Variants in CNTLN observed in about 807,000 individuals in gnomAD.
The protein encoded by CNTLN is centlein, centrosomal protein.
A neutral mutation model predicts 180.0 loss-of-function variants in CNTLN; 212 were observed. That is an observed-to-expected ratio of 1.18 (90% CI 1.05 to 1.32). The LOEUF is 1.32. CNTLN is among the 40% of genes most tolerant of loss of function. CNTLN has a pLI of 0.00. For synonymous variants in CNTLN, 722 were observed against 563.1 expected, an observed-to-expected ratio of 1.28 and a Z score of -3.99; for missense variants, 2,095 against 1,610.9, an observed-to-expected ratio of 1.30 and a Z score of -5.14.
At chr9:17,197,510 T>C (rs959017854) in intron 2 of CNTLN, among the ~76,000 whole-genome samples, 1 of 152,198 alleles carries the variant, frequency 6.6e-6, no homozygotes, top group Non-Finnish European at 1.5e-5. Flanking sequence ...CCTTTTTATA[T>C]ACCTGTTTGC....
Position 17,289,191 on chromosome 9 carries a change from T to C in CNTLN, c.984-8999T>C, listed in dbSNP as rs1026265672. ...TTAGCGCTTCCTTCAGGAGCTCTTTTAGGGCAGGCCTAGTGGTGACAAAAT... is the reference window on the plus strand; with the variant it reads ...TTAGCGCTTCCTTCAGGAGCTCTTTCAGGGCAGGCCTAGTGGTGACAAAAT... On this transcript the variant is annotated intron_variant, in intron 6 of 25. Transcript: ENST00000380647. 4.3e-5 allele frequency among the ~76,000 whole-genome samples: 5 copies of C among 115,918 alleles called. 1 individual carries two copies. Among genetic ancestry groups the C allele is most frequent in the Non-Finnish European group, 6.8e-5 (4 of 58,792 alleles). 76.0% of individuals were successfully genotyped at this position (115,918 alleles called of 152,430 possible). A position where few individuals can be genotyped will look rare whatever the true frequency, so the allele number is the denominator to read the frequency against.
At chr9:17,276,532 T>C (rs974146743) in intron 6 of CNTLN, among the ~76,000 whole-genome samples, 1 of 152,124 alleles carries the variant, frequency 6.6e-6, no homozygotes, top group South Asian at 2.1e-4. Flanking sequence ...TTATATTTTA[T>C]TGAATATTTG....
At chr9:17,522,793 C>T in the CNTLN span, among the ~76,000 whole-genome samples, 3 of 152,256 alleles carry the variant, frequency 2.0e-5, no homozygotes, top group Non-Finnish European at 4.4e-5. Flanking sequence ...GATGCCCAAG[C>T]GTGTATCCAA....
intron 2 of CNTLN, among the ~76,000 whole-genome samples, chr9:17,200,211 A>G (rs1326696762): frequency 6.6e-6 from 1 of 152,094 alleles, no homozygotes; most frequent in Non-Finnish European, 1.5e-5. Context: ...ATGTTTTGGT[A>G]CCCGTACCAT....
intron 15 of CNTLN, 48 bp downstream of exon 15, chr9:17,395,117 G>A (rs368110357): frequency 6.6e-7 from 1 of 1,525,818 alleles, no homozygotes; most frequent in Non-Finnish European, 8.8e-7. Flanking sequence ...CTGCGCATAT[G>A]TAAAGCACTA....
chr9:17,405,241 C>G (rs1273819158), intron 15 of CNTLN, among the ~76,000 whole-genome samples: 1 of 151,690 alleles, frequency 6.6e-6, no homozygotes, highest in Non-Finnish European at 1.5e-5. Flanking sequence ...TGACATTCCC[C>G]CTCAGTCTCT....
intron 2 of CNTLN, among the ~76,000 whole-genome samples, chr9:17,198,083 C>G (rs1822251652): frequency 6.6e-6 from 1 of 152,046 alleles, no homozygotes; most frequent in Non-Finnish European, 1.5e-5. Flanking sequence ...GTATTCTGTT[C>G]CATTGGTCTA....
At position 17,394,647 on chromosome 9, in the gene CNTLN, G is replaced by T; in HGVS notation, c.2193G>T (p.Gln731His). ...ENDFLKSLLK[Q>H]QQEDTETREK... ...ATTTTCTGAAATCCCTCTTAAAACAGCAACAAGAAGATACAGAGACCAGAG... is the reference window on the plus strand; with the variant it reads ...ATTTTCTGAAATCCCTCTTAAAACATCAACAAGAAGATACAGAGACCAGAG... The change falls in exon 15 of 26, where the codon CAG becomes CAT. Residue 731 changes from glutamine (Q) to histidine (H), a missense_variant. Physicochemically the swap from Gln to His is conservative, Grantham distance 24 (BLOSUM62 0). Coordinates refer to ENST00000380647, the MANE Select transcript of CNTLN (RefSeq NM_017738.4). The T allele has an allele frequency of 6.2e-7, 1 of 1,611,024 alleles. No individual in the cohort carries two copies. Among genetic ancestry groups the T allele is most frequent in the Non-Finnish European group, 8.5e-7 (1 of 1,178,900 alleles).
At chr9:17,362,411 T>C (rs1277925446) in intron 12 of CNTLN, among the ~76,000 whole-genome samples, 1 of 152,182 alleles carries the variant, frequency 6.6e-6, no homozygotes, top group Non-Finnish European at 1.5e-5. Context: ...TGCCAGTATA[T>C]ATCATGGGAT....
intron 25 of CNTLN, chr9:17,487,276 C>T: frequency 3.7e-6 from 2 of 540,734 alleles, no homozygotes; most frequent in Non-Finnish European, 6.6e-6. Flanking sequence ...ATAGAGCCAA[C>T]ATGGGTCTTA....
At chr9:17,250,738 G>C (rs7030067) in intron 5 of CNTLN, among the ~76,000 whole-genome samples, 27 of 152,064 alleles carry the variant, frequency 1.8e-4, no homozygotes, top group African/African-American at 6.5e-4. Context: ...AGTTTATATA[G>C]TTTTTATGTG....
At chr9:17,504,785 G>A (rs1833902944), downstream of CNTLN, among the ~76,000 whole-genome samples, 1 of 152,152 alleles carries the variant, frequency 6.6e-6, no homozygotes, top group Non-Finnish European at 1.5e-5. Context: ...GACCAGAAAA[G>A]GCAAGGAAAC....
chr9:17,164,837 T>TC (rs1323709193), intron 2 of CNTLN, among the ~76,000 whole-genome samples: 1 of 149,702 alleles, frequency 6.7e-6, no homozygotes, highest in Middle Eastern at 3.2e-3. Context: ...TTTCTTTCTT[T>TC]CTTTTTTTTT....
chr9:17,499,664 CAT>C (rs1169098591), intron 25 of CNTLN, among the ~76,000 whole-genome samples: 1 of 152,114 alleles, frequency 6.6e-6, no homozygotes, highest in Non-Finnish European at 1.5e-5. Context: ...TATTTGAAAA[CAT>C]AAGTAGATTT....
intron 5 of CNTLN, among the ~76,000 whole-genome samples, chr9:17,238,886 C>G (rs942641954): frequency 3.3e-5 from 5 of 152,094 alleles, no homozygotes; most frequent in African/African-American, 1.2e-4. Flanking sequence ...TTTTGAGGAA[C>G]TGCTAGACTA....
At chr9:17,420,426 C>A (rs952434695) in intron 18 of CNTLN, among the ~76,000 whole-genome samples, 2 of 152,216 alleles carry the variant, frequency 1.3e-5, no homozygotes, top group African/African-American at 4.8e-5. Flanking sequence ...TTTTTCACCT[C>A]TGATATTATT....
chr9:17,236,663 T>G, intron 5 of CNTLN, 75 bp downstream of exon 5: 1 of 1,204,844 alleles, frequency 8.3e-7, no homozygotes, highest in Non-Finnish European at 1.2e-6. Flanking sequence ...CATGTTATTT[T>G]CTTTAACAAC....
intron 10 of CNTLN, among the ~76,000 whole-genome samples, chr9:17,337,730 A>G (rs1310602613): frequency 6.6e-6 from 1 of 152,196 alleles, no homozygotes; most frequent in African/African-American, 2.4e-5. Context: ...GCAGTACTGA[A>G]AAATCCTTAA....
In CNTLN at chr9:17,484,486, A is replaced by G. The variant is rs201575489; in HGVS notation, c.4041+6A>G. ...TAGACACAGAAGATCAAGTGGTAAG[A>G]TCATTTAAATATTTATTATTAAAGG... On this transcript the variant is annotated splice_donor_region_variant and intron_variant, in intron 24 of 25. Coordinates refer to ENST00000380647, the MANE Select transcript of CNTLN (RefSeq NM_017738.4). 56 of 1,577,794 alleles carry G rather than the reference A, an allele frequency of 3.5e-5. No individual in the cohort carries two copies. The African/African-American group carries it at 4.7e-4, about 13-fold the overall frequency.
Sources: gnomAD v4.1 joint callset for allele counts (sites outside exome capture counted in the v4.1 genomes callset) on GRCh38, gnomAD v4.1.1 for gene constraint, MANE v1.5 for transcripts, NCBI Gene and HGNC (gene_info 2026-07-23, HGNC 2026-07-21) for gene names.